Variants in SLCO1B3 observed in about 807,000 individuals in gnomAD.
The protein encoded by SLCO1B3 is solute carrier organic anion transporter family member 1B3, also known as liver-specific organic anion transporter 2.
In SLCO1B3, 72 loss-of-function variants were observed where a neutral mutation model predicts 71.8. That is an observed-to-expected ratio of 1.00 (90% CI 0.83 to 1.22). The LOEUF (loss-of-function observed/expected upper bound fraction) is 1.22, where lower values mean the gene tolerates loss of function less well. Ranked by LOEUF, SLCO1B3 falls within the 50% of genes most tolerant of loss-of-function variation. SLCO1B3 has a pLI of 0.00. For missense variants in SLCO1B3, 911 were observed against 819.7 expected, an observed-to-expected ratio of 1.11 and a Z score of -1.36; for synonymous variants, 298 against 278.4, an observed-to-expected ratio of 1.07 and a Z score of -0.70.
chr12:20,909,884 T>A (rs10841704), intron 15 of SLCO1B3, among the ~76,000 whole-genome samples: 4,673 of 152,220 alleles, frequency 0.031, 199 homozygotes, highest in East Asian at 0.099. Flanking sequence ...ATTAATATGA[T>A]GAATTATATA....
chr12:20,889,465 C>T (rs945606173), intron 13 of SLCO1B3, among the ~76,000 whole-genome samples: 9 of 152,050 alleles, frequency 5.9e-5, no homozygotes, highest in African/African-American at 2.2e-4. Context: ...TCCATTTCCT[C>T]TAGGTTTTCC....
At chr12:20,845,104 G>T in intron 3 of SLCO1B3, 1 of 425,464 alleles carries the variant, frequency 2.4e-6, no homozygotes, top group South Asian at 1.9e-5. Context: ...CCAAGGTGAT[G>T]GAAGCCATTT....
rs77580386 is a variant in SLCO1B3 at position 20,898,570 on chromosome 12, A to T, written c.1747+70A>T. 5.4e-4 allele frequency: 385 copies of T among 709,106 alleles called. 1 individual carries two copies. In the African/African-American group the frequency reaches 6.7e-3, roughly 12 times the overall value. The allele number at this position is 709,106 out of a possible 1,614,324, so 43.9% of individuals were successfully genotyped here. On this transcript the variant is annotated intron_variant, in intron 14 of 15. Coordinates refer to ENST00000381545, the MANE Select transcript of SLCO1B3 (RefSeq NM_019844.4). ...ATGTTAAATACTAAAGACTGAATGC[A>T]ATTAATTTTCAACTATAAGACTGTA...
chr12:20,822,806 G>A (rs575206279), intron 3 of SLCO1B3, among the ~76,000 whole-genome samples: 38 of 152,132 alleles, frequency 2.5e-4, no homozygotes, highest in Non-Finnish European at 4.6e-4. Context: ...TTAAGGAAGG[G>A]CATCTTTTTG....
At position 20,850,005 on chromosome 12, in the gene SLCO1B3, C is replaced by T. The variant is rs374833864; in HGVS notation, c.85-5023C>T. On this transcript the variant is annotated intron_variant, in intron 3 of 15. Transcript: ENST00000381545. ...TACCCAGATTTCTCTGCAGATTTAC[C>T]GCACATTCTATCTAAATCCCAACAG... Among the ~76,000 whole-genome samples, 142 of 147,904 alleles carry T rather than the reference C, an allele frequency of 9.6e-4. 2 individuals are homozygous for T. The South Asian group carries it at 0.026, about 27-fold the overall frequency.
intron 13 of SLCO1B3, among the ~76,000 whole-genome samples, chr12:20,891,217 C>T (rs903748414): frequency 9.9e-5 from 15 of 151,972 alleles, no homozygotes; most frequent in East Asian, 1.9e-4. Flanking sequence ...AGTCTGTTTG[C>T]GACAAATTCC....
chr12:20,877,249 G>GT (rs4149165), intron 9 of SLCO1B3, among the ~76,000 whole-genome samples: 109,750 of 151,830 alleles, frequency 0.72, 42,255 homozygotes, highest in South Asian at 0.9. Context: ...ATTATGAACT[G>GT]TTTTTTTAAG....
chr12:20,888,371 T>C (rs1323044890), intron 13 of SLCO1B3, among the ~76,000 whole-genome samples: 2 of 151,956 alleles, frequency 1.3e-5, no homozygotes, highest in Admixed American at 6.6e-5. Context: ...TATATGACTT[T>C]TTTCATCAGT....
chr12:20,879,205 C>CTTTTTTTTTTTTTT (rs4149166), intron 10 of SLCO1B3, among the ~76,000 whole-genome samples: 1 of 95,208 alleles, frequency 1.1e-5, no homozygotes, highest in Non-Finnish European at 2.0e-5. Context: ...ACCCTTCTCT[C>CTTTTTTTTTTTTTT]TTTTTTTTTT....
At chr12:20,887,990 C>T (rs1455826391) in intron 13 of SLCO1B3, among the ~76,000 whole-genome samples, 1 of 151,884 alleles carries the variant, frequency 6.6e-6, no homozygotes, top group East Asian at 1.9e-4. Context: ...GTGTCCTTTC[C>T]TCACTGTATA....
intron 13 of SLCO1B3, among the ~76,000 whole-genome samples, chr12:20,897,113 G>C (rs1488417111): frequency 1.3e-5 from 2 of 152,166 alleles, no homozygotes; most frequent in African/African-American, 4.8e-5. Context: ...TAGGGACACA[G>C]AGCCAAATCG....
chr12:20,815,691 A>G lies in SLCO1B3; in HGVS notation c.-48A>G. On this transcript the variant is annotated 5_prime_UTR_variant, in exon 3 of 16. Transcript: ENST00000381545. ...TTTAACAGGTGATCATTTCAAACCA[A>G]GCATCAGCAACAATTAAAAATATTC... 1 of 1,224,670 alleles carries G rather than the reference A, an allele frequency of 8.2e-7. No individual in the cohort carries two copies. Among genetic ancestry groups the G allele is most frequent in the Non-Finnish European group, 1.2e-6 (1 of 840,044 alleles). 75.9% of individuals were successfully genotyped at this position (1,224,670 alleles called of 1,614,324 possible). A position where few individuals can be genotyped will look rare whatever the true frequency, so the allele number is the denominator to read the frequency against.
chr12:20,831,465 A>T (rs577433947), intron 3 of SLCO1B3, among the ~76,000 whole-genome samples: 1 of 152,148 alleles, frequency 6.6e-6, no homozygotes, highest in Non-Finnish European at 1.5e-5. Flanking sequence ...GTTTAAAGGA[A>T]TCTTTTCACT....
chr12:20,886,626 T>C (rs1320626354), intron 13 of SLCO1B3, among the ~76,000 whole-genome samples: 4 of 152,166 alleles, frequency 2.6e-5, no homozygotes, highest in Middle Eastern at 6.8e-3. Flanking sequence ...AAAGTGACCA[T>C]TGGATTTCAT....
chr12:20,851,437 A>G (rs1191579425), intron 3 of SLCO1B3, among the ~76,000 whole-genome samples: 1 of 152,124 alleles, frequency 6.6e-6, no homozygotes, highest in Non-Finnish European at 1.5e-5. Flanking sequence ...GCATCTTTTC[A>G]TATGTTTATT....
At chr12:20,874,091 T>G (rs11045575) in intron 8 of SLCO1B3, among the ~76,000 whole-genome samples, 110,066 of 152,008 alleles carry the variant, frequency 0.72, 42,446 homozygotes, top group South Asian at 0.9. Flanking sequence ...CTTTATAATA[T>G]AATGATTTAT....
intron 3 of SLCO1B3, among the ~76,000 whole-genome samples, chr12:20,834,191 T>C (rs1338873750): frequency 1.4e-5 from 2 of 145,588 alleles, no homozygotes; most frequent in African/African-American, 2.5e-5. Context: ...AGTAAACATA[T>C]ATAAACTATA....
At chr12:20,875,562 A>G in intron 9 of SLCO1B3, 85 bp downstream of exon 9, 1 of 1,358,974 alleles carries the variant, frequency 7.4e-7, no homozygotes, top group South Asian at 1.3e-5. Context: ...AAGCATACTC[A>G]AATCATCTAG....
intron 15 of SLCO1B3, among the ~76,000 whole-genome samples, chr12:20,906,756 A>T (rs1387431224): frequency 4.6e-5 from 7 of 152,182 alleles, no homozygotes; most frequent in Non-Finnish European, 7.4e-5. Flanking sequence ...TAGTTCTGTT[A>T]TTATCAATGA....
Sources: allele counts gnomAD v4.1 joint callset (sites outside exome capture counted in the v4.1 genomes callset), GRCh38; gene constraint gnomAD v4.1.1; transcripts MANE v1.5; gene names NCBI Gene and HGNC (gene_info 2026-07-23, HGNC 2026-07-21).